Variants in CLIP1 observed in about 807,000 individuals in gnomAD.
CLIP1 encodes CAP-Gly domain containing linker protein 1, also known as CAP-Gly domain-containing linker protein 1.
A neutral mutation model predicts 161.6 loss-of-function variants in CLIP1; 66 were observed. The observed-to-expected ratio is 0.41, with a 90% CI of 0.33 to 0.50. The LOEUF (loss-of-function observed/expected upper bound fraction) is 0.50. Among genes scored for constraint, CLIP1 ranks in the 20% least tolerant of loss-of-function variants. The pLI, the probability that CLIP1 is intolerant of heterozygous loss-of-function variation, is 0.27. For synonymous variants in CLIP1, 598 were observed against 626.2 expected, an observed-to-expected ratio of 0.96 and a Z score of 0.67; for missense variants, 1,376 against 1,702.0, an observed-to-expected ratio of 0.81 and a Z score of 3.37.
chr12:122,394,790 T>C (rs1040173463), intron 1 of CLIP1, among the ~76,000 whole-genome samples: 2 of 151,822 alleles, frequency 1.3e-5, no homozygotes, highest in East Asian at 1.9e-4. Context: ...GAGGCGGAGG[T>C]TGCAGTGAGC....
intron 1 of CLIP1, among the ~76,000 whole-genome samples, chr12:122,394,276 G>A (rs569284444): frequency 6.6e-6 from 1 of 151,742 alleles, no homozygotes; most frequent in Admixed American, 6.6e-5. Flanking sequence ...GATCACTTGA[G>A]GTGAGTTTGA....
chr12:122,351,169 TA>T, intron 8 of CLIP1, 26 bp from the exon 9 acceptor site: 1 of 1,399,982 alleles, frequency 7.1e-7, no homozygotes, highest in Non-Finnish European at 9.5e-7. Flanking sequence ...TAAAAAAAAT[TA>T]AACAACAACA....
intron 9 of CLIP1, among the ~76,000 whole-genome samples, chr12:122,348,224 G>C (rs958882216): frequency 2.0e-5 from 3 of 152,076 alleles, no homozygotes; most frequent in African/African-American, 7.2e-5. Flanking sequence ...ATGTCCCAAA[G>C]GCTATTGGGC....
rs963014011 is a variant in CLIP1, at chr12:122,351,738, A to G, written c.1369-595T>C. 3.3e-5 allele frequency among the ~76,000 whole-genome samples: 5 copies of G among 152,218 alleles called. No individual in the cohort carries two copies. In the South Asian group the frequency reaches 8.3e-4, roughly 25 times the overall value. ...AAATCTGGAAAATTTGAAAAACTGA[A>G]TGATTTACATTTGTCATATATCTAG... On this transcript the variant is annotated intron_variant, in intron 8 of 25. Transcript: ENST00000620786.
chr12:122,361,309 T>TG, intron 4 of CLIP1, 128 bp from the exon 5 acceptor site: 3 of 756,308 alleles, frequency 4.0e-6, no homozygotes, highest in Non-Finnish European at 6.4e-6. Flanking sequence ...TAAGCTGGGG[T>TG]TACACACCAG....
At chr12:122,376,801 T>C (rs914905437) in intron 3 of CLIP1, among the ~76,000 whole-genome samples, 2 of 152,046 alleles carry the variant, frequency 1.3e-5, no homozygotes, top group African/African-American at 2.4e-5. Flanking sequence ...AGTAAATATT[T>C]AGAAATTATA....
chr12:122,365,115 T>TCCCTATGAATTCATGGC (rs1566178980), intron 3 of CLIP1, among the ~76,000 whole-genome samples: 4 of 151,770 alleles, frequency 2.6e-5, no homozygotes, highest in African/African-American at 9.7e-5. Context: ...GGGATAGCAT[T>TCCCTATGAATTCATGGC]AGGAGATATA....
At chr12:122,309,656 T>C (rs952278735) in intron 20 of CLIP1, 106 bp downstream of exon 20, 1 of 1,329,078 alleles carries the variant, frequency 7.5e-7, no homozygotes, top group East Asian at 2.3e-5. Context: ...CCATTTGGAA[T>C]GACCCCACCA....
intron 18 of CLIP1, 74 bp from the exon 19 acceptor site, chr12:122,316,929 G>A (rs1951296461): frequency 8.9e-6 from 8 of 895,644 alleles, no homozygotes; most frequent in South Asian, 3.7e-5. Flanking sequence ...AATTATTCAT[G>A]AAAATGTGTA....
At chr12:122,387,044 C>T (rs751237813) in intron 1 of CLIP1, among the ~76,000 whole-genome samples, 3 of 152,074 alleles carry the variant, frequency 2.0e-5, no homozygotes, top group African/African-American at 7.2e-5. Context: ...GTACATGCCA[C>T]CACACCCAGC....
Position 122,377,883 on chromosome 12 carries a change from C to A in CLIP1, c.163G>T (p.Val55Leu). 1.9e-6 allele frequency: 3 copies of A among 1,614,026 alleles called. No individual in the cohort carries two copies. Among genetic ancestry groups the A allele is most frequent in the Non-Finnish European group, 2.5e-6 (3 of 1,180,024 alleles). Reference protein sequence around the residue: ...TPSSETQEEFVDDFRVGERVW... With the variant: ...TPSSETQEEFLDDFRVGERVW... ...CGCTCCCCAACTCGAAAGTCATCCA[C>A]AAATTCCTCCTGAGTCTCAGATGAT... Residue 55 changes from valine (V) to leucine (L), a missense_variant, in exon 3 of 26, where the codon GTG becomes TTG. Physicochemically the swap from Val to Leu is conservative, Grantham distance 32. Coordinates refer to ENST00000620786, the MANE Select transcript of CLIP1 (RefSeq NM_001247997.2).
intron 13 of CLIP1, 26 bp from the exon 14 acceptor site, chr12:122,334,136 T>A (rs887479605): frequency 7.0e-7 from 1 of 1,425,622 alleles, no homozygotes; most frequent in Non-Finnish European, 9.9e-7. Context: ...GTTAGAAGTT[T>A]AATATGTTTC....
intron 18 of CLIP1, among the ~76,000 whole-genome samples, chr12:122,317,671 C>G (rs1487558547): frequency 6.6e-6 from 1 of 152,202 alleles, no homozygotes; most frequent in East Asian, 1.9e-4. Context: ...GAGAAGTTGT[C>G]TCCTACAGCC....
chr12:122,390,287 T>TAC (rs1955584075), intron 1 of CLIP1, among the ~76,000 whole-genome samples: 1 of 131,258 alleles, frequency 7.6e-6, no homozygotes, highest in Non-Finnish European at 1.6e-5. Flanking sequence ...TACATATATA[T>TAC]ATATATATAT....
At chr12:122,346,065 C>T (rs1952732553) in intron 10 of CLIP1, among the ~76,000 whole-genome samples, 1 of 152,164 alleles carries the variant, frequency 6.6e-6, no homozygotes, top group South Asian at 2.1e-4. Flanking sequence ...GGATTACAGG[C>T]ATGAGCCACC....
Position 122,332,963 on chromosome 12 carries a change from A to C in CLIP1, c.2867+24T>G, listed in dbSNP as rs185931591. On this transcript the variant is annotated intron_variant, in intron 15 of 25. Coordinates refer to ENST00000620786, the MANE Select transcript of CLIP1 (RefSeq NM_001247997.2). ...CCGCAGAGCCTAACCTAAGGTCAGC[A>C]CTCTTTTCAACAGTCACATATACCT... 1.8e-4 allele frequency: 289 copies of C among 1,602,424 alleles called. 2 individuals are homozygous for C. In the East Asian group the frequency reaches 5.9e-3, roughly 33 times the overall value.
At position 122,363,891 on chromosome 12, in the gene CLIP1, A is replaced by T; in HGVS notation, c.782+92T>A. 3 of 1,561,864 alleles carry T rather than the reference A, an allele frequency of 1.9e-6. No homozygotes were observed. The South Asian group carries it at 3.4e-5, about 18-fold the overall frequency. On this transcript the variant is annotated intron_variant, in intron 4 of 25. Transcript: ENST00000620786. ...TAAAAGTGCCACTCTTCCAAACACA[A>T]CTTTCCATGTTATGATACACGCTTG...
chr12:122,357,173 C>T lies in CLIP1; in HGVS notation c.1006-1861G>A, dbSNP rs1418840495. ...GTGAGGAGCGCCTCTTCCCGGCCGCCGTCCCATCTAGGAAGTGAGGAGCGT... is the reference window on the plus strand; with the variant it reads ...GTGAGGAGCGCCTCTTCCCGGCCGCTGTCCCATCTAGGAAGTGAGGAGCGT... On this transcript the variant is annotated intron_variant, in intron 5 of 25. Coordinates refer to ENST00000620786, the MANE Select transcript of CLIP1 (RefSeq NM_001247997.2). Among the ~76,000 whole-genome samples, 9 of 151,916 alleles carry T rather than the reference C, an allele frequency of 5.9e-5. No individual in the cohort carries two copies. In the South Asian group the frequency reaches 1.5e-3, roughly 25 times the overall value.
chr12:122,360,944 AG>A lies in CLIP1; in HGVS notation c.1005+14del. The A allele has an allele frequency of 6.3e-7, 1 of 1,594,532 alleles. No homozygotes were observed. Among genetic ancestry groups the A allele is most frequent in the Non-Finnish European group, 8.5e-7 (1 of 1,169,886 alleles). ...GCCTGGGAAGTGGAGGCAGGTAGTGAGAAAGGGGCCTTACTAGTCCTGTCCG... is the reference window on the plus strand; with the variant it reads ...GCCTGGGAAGTGGAGGCAGGTAGTGAAAAGGGGCCTTACTAGTCCTGTCCG... On this transcript the variant is annotated intron_variant, in intron 5 of 25. Transcript: ENST00000620786.
Sources: allele counts gnomAD v4.1 joint callset (sites outside exome capture counted in the v4.1 genomes callset), GRCh38; gene constraint gnomAD v4.1.1; transcripts MANE v1.5; gene names NCBI Gene and HGNC (gene_info 2026-07-23, HGNC 2026-07-21).